The following PRELID2 variants were observed in gnomAD, a reference collection of about 807,000 sequenced individuals.
PRELID2 encodes PRELI domain containing 2.
PRELID2 carries 25 observed loss-of-function variants against 28.4 expected under a neutral mutation model. The ratio of observed to expected loss-of-function variants is 0.88; its 90% CI spans 0.64 to 1.23. The LOEUF (loss-of-function observed/expected upper bound fraction) is 1.23. Among genes scored for constraint, PRELID2 ranks in the 50% most tolerant of loss-of-function variants. PRELID2 has a pLI of 0.00. For synonymous variants in PRELID2, 76 were observed against 71.6 expected, an observed-to-expected ratio of 1.06 and a Z score of -0.31; for missense variants, 201 against 214.4, an observed-to-expected ratio of 0.94 and a Z score of 0.39.
Position 145,506,292 on chromosome 5 carries a change from T to G in PRELID2, n.71-32977A>C, listed in dbSNP as rs138610947. Among the ~76,000 whole-genome samples, 324 of 152,266 alleles carry G rather than the reference T, an allele frequency of 2.1e-3. 1 individual carries two copies. Among genetic ancestry groups the G allele is most frequent in the African/African-American group, 7.3e-3 (304 of 41,554 alleles). ...AAGTTTATTCCCAGTTCAGAGATTT[T>G]GTTCCTTCTCTTAGTCCACTAGGAT... On this transcript the variant is annotated intron_variant and non_coding_transcript_variant, in intron 1 of 2. Transcript: ENST00000510259.
At chr5:145,730,597 T>C (rs187318861) in intron 1 of PRELID2, among the ~76,000 whole-genome samples, 4 of 152,132 alleles carry the variant, frequency 2.6e-5, no homozygotes, top group African/African-American at 9.7e-5. Context: ...CTACTCAGCA[T>C]CCACATCACA....
chr5:145,721,093 C>T (rs182232920), intron 1 of PRELID2, among the ~76,000 whole-genome samples: 1 of 152,076 alleles, frequency 6.6e-6, no homozygotes, highest in Non-Finnish European at 1.5e-5. Context: ...TTTTGCAAAT[C>T]CCTTTAAGGT....
intron 1 of PRELID2, among the ~76,000 whole-genome samples, chr5:145,620,579 T>TA (rs1753760776): frequency 6.6e-6 from 1 of 151,880 alleles, no homozygotes; most frequent in Non-Finnish European, 1.5e-5. Flanking sequence ...AAATTTTTTT[T>TA]AAAAAGTCCA....
At chr5:145,259,144 G>A in the PRELID2 span, among the ~76,000 whole-genome samples, 5 of 152,192 alleles carry the variant, frequency 3.3e-5, no homozygotes, top group Non-Finnish European at 7.3e-5. Context: ...AGATTTTAGA[G>A]GATGTATGAA....
At chr5:145,778,477 C>T (rs1758558651) in intron 5 of PRELID2, among the ~76,000 whole-genome samples, 1 of 152,196 alleles carries the variant, frequency 6.6e-6, no homozygotes, top group Non-Finnish European at 1.5e-5. Context: ...CTTACTCATC[C>T]TCCATTTGTC....
chr5:145,770,020 G>C (rs574457683), intron 5 of PRELID2, among the ~76,000 whole-genome samples: 1 of 152,308 alleles, frequency 6.6e-6, no homozygotes, highest in Non-Finnish European at 1.5e-5. Flanking sequence ...CCTATCACCT[G>C]GTGACGTTGT....
the PRELID2 span, chr5:145,338,340 C>T: frequency 6.6e-6 from 1 of 152,056 alleles, no homozygotes; most frequent in Non-Finnish European, 1.5e-5. Context: ...AACATACTTC[C>T]TTGTAGTTAA....
the PRELID2 span, among the ~76,000 whole-genome samples, chr5:145,232,560 C>G: frequency 6.6e-6 from 1 of 152,104 alleles, no homozygotes; most frequent in Non-Finnish European, 1.5e-5. Context: ...GTATCATGGC[C>G]ACCAATTATA....
the PRELID2 span, among the ~76,000 whole-genome samples, chr5:145,327,666 A>G: frequency 2.0e-5 from 3 of 151,804 alleles, no homozygotes; most frequent in African/African-American, 7.3e-5. Flanking sequence ...ATTGTTTTAT[A>G]GTTCTTTTCT....
chr5:145,395,956 C>T, the PRELID2 span, among the ~76,000 whole-genome samples: 1 of 152,160 alleles, frequency 6.6e-6, no homozygotes, highest in African/African-American at 2.4e-5. Context: ...CCCTTACTAC[C>T]TTCTGGGCTT....
the PRELID2 span, among the ~76,000 whole-genome samples, chr5:145,303,308 G>A: frequency 2.6e-5 from 4 of 152,148 alleles, no homozygotes; most frequent in South Asian, 8.3e-4. Context: ...GCTACCTTAA[G>A]TGCACTGTAT....
chr5:145,794,381 C>A lies in PRELID2; in HGVS notation c.474+2061G>T, dbSNP rs374499891. On this transcript the variant is annotated intron_variant, in intron 5 of 6. Coordinates refer to ENST00000683046, the MANE Select transcript of PRELID2 (RefSeq NM_205846.3). The stretch of plus-strand genomic sequence containing the variant: ...CCTAATAAATCCAAAGGGAGTAAGA[C>A]CACAACACAAATTCATCTAACAAAC... Among the ~76,000 whole-genome samples, 4 of 152,140 alleles carry A rather than the reference C, an allele frequency of 2.6e-5. No homozygotes were observed. In the East Asian group the frequency reaches 5.8e-4, roughly 22 times the overall value.
the PRELID2 span, among the ~76,000 whole-genome samples, chr5:145,289,294 T>C: frequency 6.6e-6 from 1 of 152,316 alleles, no homozygotes; most frequent in South Asian, 2.1e-4. Flanking sequence ...CTTTCTGACC[T>C]TTCTGTTATC....
chr5:145,307,597 A>G, the PRELID2 span, among the ~76,000 whole-genome samples: 2 of 152,058 alleles, frequency 1.3e-5, no homozygotes, highest in Admixed American at 1.3e-4. Flanking sequence ...CTCACACCCA[A>G]CAAAAGTGTA....
the PRELID2 span, among the ~76,000 whole-genome samples, chr5:145,439,386 C>G: frequency 6.6e-6 from 1 of 152,020 alleles, no homozygotes; most frequent in Non-Finnish European, 1.5e-5. Flanking sequence ...ATCTAGTGGC[C>G]CTCAATTCCA....
chr5:145,329,056 T>C, the PRELID2 span, among the ~76,000 whole-genome samples: 1 of 152,196 alleles, frequency 6.6e-6, no homozygotes, highest in African/African-American at 2.4e-5. Flanking sequence ...TGCTTGTTTT[T>C]GTCAGGTTTG....
chr5:145,610,244 T>G (rs918941482), intron 1 of PRELID2, among the ~76,000 whole-genome samples: 2 of 152,164 alleles, frequency 1.3e-5, no homozygotes, highest in Non-Finnish European at 2.9e-5. Flanking sequence ...CCAGACAGGC[T>G]AGTGGCCAGC....
chr5:145,398,045 A>C, the PRELID2 span, among the ~76,000 whole-genome samples: 5 of 152,112 alleles, frequency 3.3e-5, no homozygotes, highest in Non-Finnish European at 5.9e-5. Flanking sequence ...CCTCTTGTGC[A>C]TTACTTAAAT....
intron 1 of PRELID2, among the ~76,000 whole-genome samples, chr5:145,709,503 C>T (rs893876946): frequency 1.3e-5 from 2 of 151,334 alleles, no homozygotes; most frequent in Non-Finnish European, 2.9e-5. Flanking sequence ...CTTCGCTAAT[C>T]GAGTGTTGGA....
Sources: allele counts gnomAD v4.1 joint callset (sites outside exome capture counted in the v4.1 genomes callset), GRCh38; gene constraint gnomAD v4.1.1; transcripts MANE v1.5; gene names NCBI Gene and HGNC (gene_info 2026-07-23, HGNC 2026-07-21).